KCTD16: variants seen among roughly 807,000 people sequenced by gnomAD.
The protein encoded by KCTD16 is BTB/POZ domain-containing protein KCTD16.
KCTD16 carries 13 observed loss-of-function variants against 33.2 expected under a neutral mutation model. The ratio of observed to expected loss-of-function variants is 0.39; its 90% CI spans 0.25 to 0.62. The LOEUF (loss-of-function observed/expected upper bound fraction) is 0.62, where lower values mean the gene tolerates loss of function less well. Ranked by LOEUF, KCTD16 falls within the 20% of genes least tolerant of loss-of-function variation. The probability of loss-of-function intolerance (pLI) is 0.50; values close to 1 mark genes in which losing one functional copy is unlikely to be tolerated. For missense variants in KCTD16, 441 were observed against 525.1 expected (o/e 0.84, Z 1.57); for synonymous variants, 197 against 195.3 (o/e 1.01, Z -0.07).
chr5:144,356,026 T>A (rs972754192), intron 3 of KCTD16, among the ~76,000 whole-genome samples: 6 of 152,178 alleles, frequency 3.9e-5, no homozygotes, highest in African/African-American at 7.2e-5. Context: ...TAAGCTGAAT[T>A]CTACTGAGTT....
At chr5:144,438,596 A>G (rs560012326) in intron 3 of KCTD16, among the ~76,000 whole-genome samples, 4 of 152,292 alleles carry the variant, frequency 2.6e-5, no homozygotes, top group African/African-American at 7.2e-5. Flanking sequence ...ACCTGCATCA[A>G]TCACTGTGGT....
chr5:144,469,261 C>T (rs1413405855), intron 3 of KCTD16, among the ~76,000 whole-genome samples: 1 of 152,126 alleles, frequency 6.6e-6, no homozygotes, highest in Non-Finnish European at 1.5e-5. Context: ...CAAAAACATC[C>T]TCTGTTCACA....
intron 3 of KCTD16, among the ~76,000 whole-genome samples, chr5:144,237,039 A>G (rs1754273268): frequency 6.6e-6 from 1 of 152,014 alleles, no homozygotes; most frequent in Non-Finnish European, 1.5e-5. Context: ...TTAGTTCTAG[A>G]TGGTTGGAAA....
intron 3 of KCTD16, among the ~76,000 whole-genome samples, chr5:144,439,943 A>G (rs916104945): frequency 4.7e-5 from 7 of 148,258 alleles, no homozygotes; most frequent in East Asian, 1.9e-4. Context: ...GAAAGTTTTC[A>G]TAATCTAAAA....
chr5:144,443,500 A>C (rs1027323660), intron 3 of KCTD16, among the ~76,000 whole-genome samples: 3 of 151,928 alleles, frequency 2.0e-5, no homozygotes, highest in Non-Finnish European at 4.4e-5. Flanking sequence ...TGCTTTCATA[A>C]AGAGATGCTT....
chr5:144,345,377 T>C (rs1752769139), intron 3 of KCTD16, among the ~76,000 whole-genome samples: 1 of 152,116 alleles, frequency 6.6e-6, no homozygotes, highest in Non-Finnish European at 1.5e-5. Context: ...AAAAGTTTAG[T>C]TAGCAGAAAA....
intron 3 of KCTD16, among the ~76,000 whole-genome samples, chr5:144,317,092 C>T (rs2126881878): frequency 6.6e-6 from 1 of 152,172 alleles, no homozygotes; most frequent in South Asian, 2.1e-4. Flanking sequence ...TCCCAAAGTG[C>T]TGGGATTACA....
intron 2 of KCTD16, among the ~76,000 whole-genome samples, chr5:144,191,717 C>G (rs1752845495): frequency 6.6e-6 from 1 of 152,106 alleles, no homozygotes; most frequent in African/African-American, 2.4e-5. Flanking sequence ...CTAGACTTGT[C>G]TGCTAAATTA....
chr5:144,247,076 T>G (rs918376038), intron 3 of KCTD16, among the ~76,000 whole-genome samples: 5 of 152,182 alleles, frequency 3.3e-5, no homozygotes, highest in African/African-American at 1.2e-4. Flanking sequence ...TATTCTAGTT[T>G]CTGTGGGATT....
intron 2 of KCTD16, among the ~76,000 whole-genome samples, chr5:144,177,608 A>T (rs938566697): frequency 6.6e-6 from 1 of 152,098 alleles, no homozygotes; most frequent in African/African-American, 2.4e-5. Context: ...CTTCACCTTG[A>T]CATGGTCTTC....
chr5:144,261,420 C>G (rs1755007993), intron 3 of KCTD16, among the ~76,000 whole-genome samples: 1 of 152,282 alleles, frequency 6.6e-6, no homozygotes, highest in Admixed American at 6.5e-5. Context: ...TCAAATGTGC[C>G]TGCACCCTCT....
At chr5:144,365,598 C>T (rs1212753315) in intron 3 of KCTD16, among the ~76,000 whole-genome samples, 2 of 152,108 alleles carry the variant, frequency 1.3e-5, no homozygotes, top group African/African-American at 2.4e-5. Flanking sequence ...CTTGAGGTTA[C>T]TTTAGCCTGT....
intron 2 of KCTD16, among the ~76,000 whole-genome samples, chr5:144,202,351 C>T (rs186193813): frequency 1.6e-4 from 25 of 152,360 alleles, no homozygotes; most frequent in African/African-American, 5.5e-4. Flanking sequence ...CCGACAACTT[C>T]CCTGAGACAT....
At chr5:144,301,852 G>A (rs958427672) in intron 3 of KCTD16, among the ~76,000 whole-genome samples, 3 of 152,142 alleles carry the variant, frequency 2.0e-5, no homozygotes, top group African/African-American at 7.2e-5. Context: ...ATTCATGAAA[G>A]TGGAAACAAG....
Position 144,207,228 on chromosome 5 carries a change from G to C in KCTD16, c.514G>C (p.Gly172Arg), listed in dbSNP as rs1318920301. Residue 172 changes from glycine (G) to arginine (R), a missense_variant, in exon 3 of 4, where the codon GGA becomes CGA. By Grantham distance (125) the Gly-to-Arg change is moderately radical (BLOSUM62 -2). This residue lies in a region of KCTD16 where 355 missense variants were observed against 413.0 expected (regional missense o/e 0.86). Coordinates refer to ENST00000512467, the MANE Select transcript of KCTD16 (RefSeq NM_020768.4). ...KWGFITVGYR[G>R]SCTLGREGQA... Reference sequence around the variant, plus strand: ...GGGTTTCATTACTGTGGGTTACAGAGGATCCTGCACCTTGGGCAGAGAGGG... The same window carrying C: ...GGGTTTCATTACTGTGGGTTACAGACGATCCTGCACCTTGGGCAGAGAGGG... 1 of 1,613,972 alleles carries C rather than the reference G, an allele frequency of 6.2e-7. No individual in the cohort carries two copies. Among genetic ancestry groups the C allele is most frequent in the Non-Finnish European group, 8.5e-7 (1 of 1,179,980 alleles).
intron 3 of KCTD16, among the ~76,000 whole-genome samples, chr5:144,335,149 C>A (rs999121317): frequency 6.6e-6 from 1 of 152,034 alleles, no homozygotes; most frequent in Non-Finnish European, 1.5e-5. Flanking sequence ...TGTGAGTGAG[C>A]CTTCAGCACT....
At chr5:144,463,611 C>CT (rs1302984826) in intron 3 of KCTD16, among the ~76,000 whole-genome samples, 1 of 152,160 alleles carries the variant, frequency 6.6e-6, no homozygotes, top group Non-Finnish European at 1.5e-5. Context: ...ACTTACTGGG[C>CT]TTTAGTGCCT....
chr5:144,197,790 A>G (rs1244404622), intron 2 of KCTD16, among the ~76,000 whole-genome samples: 1 of 152,232 alleles, frequency 6.6e-6, no homozygotes, highest in Non-Finnish European at 1.5e-5. Context: ...CACAATGCTA[A>G]CATTTCAGGA....
chr5:144,435,941 C>T (rs1315719682), intron 3 of KCTD16, among the ~76,000 whole-genome samples: 3 of 152,124 alleles, frequency 2.0e-5, no homozygotes, highest in Non-Finnish European at 2.9e-5. Context: ...TTCAGCATTT[C>T]TCTGCTATTT....
Sources: gnomAD v4.1 joint callset for allele counts (sites outside exome capture counted in the v4.1 genomes callset) on GRCh38, gnomAD v4.1.1 for gene constraint, gnomAD v4.1.1 regional missense constraint, MANE v1.5 for transcripts, NCBI Gene and HGNC (gene_info 2026-07-23, HGNC 2026-07-21) for gene names.